Variants in GEN1 observed in about 807,000 individuals in gnomAD.
GEN1 encodes the protein GEN1 structure-specific endonuclease.
GEN1 carries 64 observed loss-of-function variants against 67.6 expected under a neutral mutation model. The ratio of observed to expected loss-of-function variants is 0.95; its 90% CI spans 0.77 to 1.17. GEN1 has a LOEUF of 1.17. Ranked by LOEUF, GEN1 falls within the 50% of genes most tolerant of loss-of-function variation. The pLI, the probability that GEN1 is intolerant of heterozygous loss-of-function variation, is 0.00. For missense variants in GEN1, 1,058 were observed against 1,048.3 expected, an observed-to-expected ratio of 1.01 and a Z score of -0.13; for synonymous variants, 371 against 359.4, an observed-to-expected ratio of 1.03 and a Z score of -0.37.
At position 17,766,578 on chromosome 2, in the gene GEN1, G is replaced by T; in HGVS notation, c.526-1G>T. On this transcript the variant is annotated splice_acceptor_variant, in intron 4 of 13. Transcript: ENST00000381254. LOFTEE classifies it high-confidence loss of function. ...TTAAACTAAATCTGTTCTTTCTTTA[G>T]GACCCACATGTTGACTGTTACACAA... 1 of 1,512,528 alleles carries T rather than the reference G, an allele frequency of 6.6e-7. No individual in the cohort carries two copies. The highest frequency in any genetic ancestry group is 9.1e-7 in the Non-Finnish European group (1 of 1,093,958). 93.7% of individuals were successfully genotyped at this position (1,512,528 alleles called of 1,614,324 possible).
At position 17,769,080 on chromosome 2, in the gene GEN1, C is replaced by T. The variant is rs142090557; in HGVS notation, c.710+269C>T. 7.1e-3 allele frequency among the ~76,000 whole-genome samples: 1,082 copies of T among 151,906 alleles called. 10 individuals carry two copies. The highest frequency in any genetic ancestry group is 0.024 in the South Asian group (116 of 4,820). On this transcript the variant is annotated intron_variant, in intron 6 of 13. Coordinates refer to ENST00000381254, the MANE Select transcript of GEN1 (RefSeq NM_001130009.3). ...TGTCGCCTAGGCTGCAGTGCAGTGGCGCAATCACTGCTCACTGCAATCTCA... is the reference window on the plus strand; with the variant it reads ...TGTCGCCTAGGCTGCAGTGCAGTGGTGCAATCACTGCTCACTGCAATCTCA...
intron 12 of GEN1, 72 bp downstream of exon 12, chr2:17,778,135 T>C: frequency 1.7e-6 from 1 of 598,994 alleles, no homozygotes; most frequent in Non-Finnish European, 3.0e-6. Flanking sequence ...ATATTGTATA[T>C]GTGTATATAT....
chr2:17,756,929 CG>C (rs1362589349), intron 1 of GEN1, among the ~76,000 whole-genome samples: 1 of 152,060 alleles, frequency 6.6e-6, no homozygotes, highest in African/African-American at 2.4e-5. Flanking sequence ...ATCACTTCCG[CG>C]GAACAGCTGG....
chr2:17,778,390 A>G lies in GEN1; in HGVS notation c.1264+327A>G, dbSNP rs1238347348. Among the ~76,000 whole-genome samples, 15 of 83,020 alleles carry G rather than the reference A, an allele frequency of 1.8e-4. 4 individuals are homozygous for G. The highest frequency in any genetic ancestry group is 5.6e-4 in the Admixed American group (4 of 7,112). The allele number at this position is 83,020 out of a possible 152,430, so 54.5% of individuals were successfully genotyped here. On this transcript the variant is annotated intron_variant, in intron 12 of 13. Coordinates refer to ENST00000381254, the MANE Select transcript of GEN1 (RefSeq NM_001130009.3). Reference sequence around the variant, plus strand: ...TATATACACACACATATATGTGTGTACATATATGTATATACACACATATAT... The same window carrying G: ...TATATACACACACATATATGTGTGTGCATATATGTATATACACACATATAT...
In GEN1 at chr2:17,771,167, C is replaced by CT. The variant is rs536624269; in HGVS notation, c.711-22dup. The CT allele has an allele frequency of 1.4e-4, 196 of 1,450,352 alleles. No homozygotes were observed. The African/African-American group carries it at 2.6e-3, about 19-fold the overall frequency. The allele number at this position is 1,450,352 out of a possible 1,614,324, so 89.8% of individuals were successfully genotyped here. ...CGTTTTTGTGACCTCATTTTTTTTCCTTTTTTTAAAAACCACTTTCTATTA... is the reference window on the plus strand; with the variant it reads ...CGTTTTTGTGACCTCATTTTTTTTCCTTTTTTTTAAAAACCACTTTCTATTA... On this transcript the variant is annotated intron_variant, in intron 6 of 13. Transcript: ENST00000381254.
Position 17,781,006 on chromosome 2 carries a change from T to A in GEN1, c.1794T>A (p.Ser598=). The change falls in exon 14 of 14, where the codon TCT becomes TCA. Residue 598 remains serine (S), a synonymous_variant. Coordinates refer to ENST00000381254, the MANE Select transcript of GEN1 (RefSeq NM_001130009.3). The part of the protein sequence containing the change: ...IDWEGTSFSN[S]PAIQRNTFSH... ...GGGAAGGTACTTCTTTTAGTAATTC[T>A]CCAGCTATTCAAAGGAATACTTTTT... 6.2e-7 allele frequency: 1 copy of A among 1,613,766 alleles called. No homozygotes were observed. The highest frequency in any genetic ancestry group is 8.5e-7 in the Non-Finnish European group (1 of 1,179,738).
rs1672859787 is a variant in GEN1, at chr2:17,781,877, A to G, written c.2665A>G (p.Thr889Ala). 1 of 1,596,872 alleles carries G rather than the reference A, an allele frequency of 6.3e-7. No homozygotes were observed. The highest frequency in any genetic ancestry group is 8.5e-7 in the Non-Finnish European group (1 of 1,175,444). Reference sequence around the variant, plus strand: ...TCATAAGAAAGAAAACAACTCTGGTACTTGTTTGGATAGCCCTCTTCCTTT... The same window carrying G: ...TCATAAGAAAGAAAACAACTCTGGTGCTTGTTTGGATAGCCCTCTTCCTTT... ...QCHKKENNSG[T>A]CLDSPLPLRQ... The change falls in exon 14 of 14, where the codon ACT becomes GCT. Residue 889 changes from threonine (T) to alanine (A), a missense_variant. By Grantham distance (58) the Thr-to-Ala change is moderately conservative. Coordinates refer to ENST00000381254, the MANE Select transcript of GEN1 (RefSeq NM_001130009.3).
intron 1 of GEN1, among the ~76,000 whole-genome samples, chr2:17,756,482 G>A (rs573601595): frequency 6.6e-6 from 1 of 150,948 alleles, no homozygotes; most frequent in Admixed American, 6.6e-5. Flanking sequence ...AAAGATTTGA[G>A]TGGGAACTCA....
intron 11 of GEN1, among the ~76,000 whole-genome samples, chr2:17,775,062 G>A (rs111353024): frequency 5.9e-5 from 9 of 152,104 alleles, no homozygotes; most frequent in East Asian, 1.9e-4. Context: ...CAACAATTGC[G>A]TCATGAATTC....
At chr2:17,756,737 T>C (rs1053014393) in intron 1 of GEN1, among the ~76,000 whole-genome samples, 8 of 152,174 alleles carry the variant, frequency 5.3e-5, no homozygotes, top group Non-Finnish European at 1.0e-4. Flanking sequence ...GTGTAGTATT[T>C]TTAAATTTTA....
At chr2:17,780,230 T>G (rs780863736) in intron 13 of GEN1, 109 bp downstream of exon 13, 27 of 843,026 alleles carry the variant, frequency 3.2e-5, no homozygotes, top group Non-Finnish European at 4.8e-5. Flanking sequence ...ATCTATAAAC[T>G]CAAAAGTCAA....
chr2:17,787,749 TC>T lies in GEN1; in HGVS notation c.*5813del, dbSNP rs1472065052. ...GACCAACCTGGCCAACATGGTGAAA[TC>T]CCATCTCTACAAAAAATACAAAAAT... On this transcript the variant is annotated 3_prime_UTR_variant, in exon 14 of 14. Transcript: ENST00000381254. 3 of 151,946 alleles carry T rather than the reference TC, an allele frequency of 2.0e-5. No individual in the cohort carries two copies. The highest frequency in any genetic ancestry group is 4.4e-5 in the Non-Finnish European group (3 of 68,028). The allele number at this position is 151,946 out of a possible 1,614,324, so 9.4% of individuals were successfully genotyped here. A position where few individuals can be genotyped will look rare whatever the true frequency, so the allele number is the denominator to read the frequency against.
intron 6 of GEN1, among the ~76,000 whole-genome samples, 200 bp downstream of exon 6, chr2:17,769,011 C>T (rs993355072): frequency 1.3e-5 from 2 of 151,752 alleles, no homozygotes; most frequent in African/African-American, 2.4e-5. Flanking sequence ...TGTTCCAAGC[C>T]GTATTGCATT....
At chr2:17,780,282 A>G (rs1008595868) in intron 13 of GEN1, among the ~76,000 whole-genome samples, 161 bp downstream of exon 13, 2 of 152,236 alleles carry the variant, frequency 1.3e-5, no homozygotes, top group African/African-American at 4.8e-5. Flanking sequence ...ACTTTCTTTT[A>G]AAGCTGAAAA....
chr2:17,759,853 T>C lies in GEN1; in HGVS notation c.-15-76T>C, dbSNP rs541211554. ...CTATGAATTATCCTGAACTGGCTTA[T>C]AATATATTGTTTGAATTCCTGTTAT... On this transcript the variant is annotated intron_variant, in intron 1 of 13. Transcript: ENST00000381254. 34 of 1,269,288 alleles carry C rather than the reference T, an allele frequency of 2.7e-5. No homozygotes were observed. In the South Asian group the frequency reaches 3.6e-4, roughly 13 times the overall value. 78.6% of individuals were successfully genotyped at this position (1,269,288 alleles called of 1,614,324 possible). A position where few individuals can be genotyped will look rare whatever the true frequency, so the allele number is the denominator to read the frequency against.
Position 17,759,901 on chromosome 2 carries a change from A to G in GEN1, c.-15-28A>G, listed in dbSNP as rs775317310. 4.4e-6 allele frequency: 7 copies of G among 1,595,674 alleles called. No homozygotes were observed. In the East Asian group the frequency reaches 1.1e-4, roughly 25 times the overall value. On this transcript the variant is annotated intron_variant, in intron 1 of 13. Transcript: ENST00000381254. ...TATGAGCTTCTGTTTCTTTAACAAT[A>G]TTTTGTAAAGTGTGTTTCACATAAC...
At chr2:17,768,216 G>A (rs921472250) in intron 5 of GEN1, among the ~76,000 whole-genome samples, 22 of 152,120 alleles carry the variant, frequency 1.4e-4, no homozygotes, top group African/African-American at 5.1e-4. Flanking sequence ...TATACATTAA[G>A]GCATATCATT....
In GEN1 at chr2:17,783,582, A is replaced by T. The variant is rs1672944414; in HGVS notation, c.*1643A>T. 6.6e-6 allele frequency: 1 copy of T among 152,216 alleles called. No individual in the cohort carries two copies. The highest frequency in any genetic ancestry group is 2.4e-5 in the African/African-American group (1 of 41,462). The allele number at this position is 152,216 out of a possible 1,614,324, so 9.4% of individuals were successfully genotyped here. On this transcript the variant is annotated 3_prime_UTR_variant, in exon 14 of 14. Transcript: ENST00000381254. ...GAGTTTGAATGACCCACCCTTCCTGATTTTAAGTATACAGAACTACAGTAA... is the reference window on the plus strand; with the variant it reads ...GAGTTTGAATGACCCACCCTTCCTGTTTTTAAGTATACAGAACTACAGTAA...
rs1672871611 is a variant in GEN1 at position 17,782,122 on chromosome 2, C to T, written c.*183C>T. The T allele has an allele frequency of 4.2e-6, 2 of 471,122 alleles. No homozygotes were observed. The highest frequency in any genetic ancestry group is 3.8e-5 in the Admixed American group (1 of 26,066). 29.2% of individuals were successfully genotyped at this position (471,122 alleles called of 1,614,324 possible). ...ACCTAAAACTCTGGTTTTAAAAGAT[C>T]CTCTGTATTGAAAACTTCTGATAAT... On this transcript the variant is annotated 3_prime_UTR_variant, in exon 14 of 14. Coordinates refer to ENST00000381254, the MANE Select transcript of GEN1 (RefSeq NM_001130009.3).
Sources: allele counts gnomAD v4.1 joint callset (sites outside exome capture counted in the v4.1 genomes callset), GRCh38; gene constraint gnomAD v4.1.1; transcripts MANE v1.5; gene names NCBI Gene and HGNC (gene_info 2026-07-23, HGNC 2026-07-21).